ARHGEF17: variants seen among roughly 807,000 people sequenced by gnomAD.
ARHGEF17 encodes 164 kDa Rho-specific guanine-nucleotide exchange factor.
In ARHGEF17, 80 loss-of-function variants were observed where a neutral mutation model predicts 174.0. The observed-to-expected ratio is 0.46, with a 90% CI of 0.38 to 0.55. ARHGEF17 has a LOEUF of 0.55. ARHGEF17 is among the 20% of genes least tolerant of loss of function. The pLI is 0.00. For synonymous variants in ARHGEF17, 1,311 were observed against 1,189.1 expected (o/e 1.10, Z -2.11); for missense variants, 2,886 against 2,839.7 (o/e 1.02, Z -0.37).
At chr11:73,360,664 AG>A in intron 11 of ARHGEF17, 131 bp downstream of exon 11, 3 of 946,174 alleles carry the variant, frequency 3.2e-6, no homozygotes, top group South Asian at 1.6e-5. Context: ...CCTGGTGGGG[AG>A]GGGGGCTTCT....
Position 73,309,054 on chromosome 11 carries a change from G to T in ARHGEF17, c.416G>T (p.Arg139Met). 1 of 1,487,886 alleles carries T rather than the reference G, an allele frequency of 6.7e-7. No homozygotes were observed. Among genetic ancestry groups the T allele is most frequent in the Admixed American group, 2.3e-5 (1 of 43,938 alleles). 92.2% of individuals were successfully genotyped at this position (1,487,886 alleles called of 1,614,324 possible). A position where few individuals can be genotyped will look rare whatever the true frequency, so the allele number is the denominator to read the frequency against. The change falls in exon 1 of 21, where the codon AGG becomes ATG. Residue 139 changes from arginine to methionine, a missense_variant. This residue lies in a region of ARHGEF17 where 1,728 missense variants were observed against 1,461.2 expected (regional missense o/e 1.18). Coordinates refer to ENST00000263674, the MANE Select transcript of ARHGEF17 (RefSeq NM_014786.4). ...AAGCTCTTCGGCGGTCCTGGCTCCA[G>T]GAGGCCCAGCGCCGACTCTGAATCC... ...MRKLFGGPGS[R>M]RPSADSESPG... is the part of the protein sequence containing the mutation.
chr11:73,355,563 T>C lies in ARHGEF17; in HGVS notation c.3484T>C (p.Ser1162Pro). 6.2e-7 allele frequency: 1 copy of C among 1,614,180 alleles called. No individual in the cohort carries two copies. Among genetic ancestry groups the C allele is most frequent in the Non-Finnish European group, 8.5e-7 (1 of 1,179,992 alleles). The change falls in exon 4 of 21, where the codon TCT becomes CCT. Residue 1162 changes from serine (S) to proline (P), a missense_variant. Ser to Pro is a moderately conservative substitution (Grantham distance 74, BLOSUM62 -1). Coordinates refer to ENST00000263674, the MANE Select transcript of ARHGEF17 (RefSeq NM_014786.4). ...CAAGGATGTCCTAGTAAACATCTAT[T>C]CTGCCTATATCGATAACTTCCTCAA... ...FSKDVLVNIY[S>P]AYIDNFLNAK...
chr11:73,332,998 C>T (rs1365287375), intron 1 of ARHGEF17, among the ~76,000 whole-genome samples: 5 of 152,106 alleles, frequency 3.3e-5, no homozygotes, highest in African/African-American at 1.2e-4. Context: ...AGGTCAGTGC[C>T]GGCACTGAGA....
intron 1 of ARHGEF17, among the ~76,000 whole-genome samples, chr11:73,329,346 TA>T (rs1865156559): frequency 2.3e-4 from 9 of 38,880 alleles, no homozygotes; most frequent in African/African-American, 4.2e-4. Flanking sequence ...TATATATATA[TA>T]TATATATATA....
chr11:73,345,034 G>T (rs1223700285), intron 1 of ARHGEF17, among the ~76,000 whole-genome samples: 1 of 152,200 alleles, frequency 6.6e-6, no homozygotes, highest in African/African-American at 2.4e-5. Context: ...TGTCTGTGGG[G>T]TGCTGAGATG....
At chr11:73,352,705 G>A in intron 2 of ARHGEF17, 125 bp from the exon 3 acceptor site, 1 of 994,768 alleles carries the variant, frequency 1.0e-6, no homozygotes, top group Non-Finnish European at 1.5e-6. Flanking sequence ...TGAGGGAGAT[G>A]TGGAAGGCAG....
chr11:73,343,539 C>G (rs1485061668), intron 1 of ARHGEF17, among the ~76,000 whole-genome samples: 5 of 152,162 alleles, frequency 3.3e-5, no homozygotes, highest in African/African-American at 1.2e-4. Flanking sequence ...CAGTGTTATC[C>G]TGGGTCCACA....
chr11:73,359,225 T>C (rs1041137201), intron 9 of ARHGEF17, among the ~76,000 whole-genome samples: 8 of 152,248 alleles, frequency 5.3e-5, no homozygotes, highest in African/African-American at 1.9e-4. Context: ...AGACACTTCT[T>C]TTCCCTTGAT....
chr11:73,319,670 C>T (rs1246295030), intron 1 of ARHGEF17, among the ~76,000 whole-genome samples: 1 of 152,234 alleles, frequency 6.6e-6, no homozygotes, highest in Non-Finnish European at 1.5e-5. Flanking sequence ...CTATTTCTTT[C>T]CATGTTCATT....
intron 2 of ARHGEF17, among the ~76,000 whole-genome samples, chr11:73,347,475 T>TG (rs1260551089): frequency 1.3e-5 from 2 of 152,190 alleles, no homozygotes; most frequent in South Asian, 4.1e-4. Flanking sequence ...CTGCTAAGCG[T>TG]GGGGTCAGGG....
rs142639824 is a variant in ARHGEF17 at position 73,357,297 on chromosome 11, C to T, written c.4057C>T (p.Leu1353=). 7.4e-5 allele frequency: 119 copies of T among 1,613,978 alleles called. No individual in the cohort carries two copies. Among genetic ancestry groups the T allele is most frequent in the South Asian group, 3.1e-4 (28 of 91,048 alleles). Residue 1353 remains leucine (L), a synonymous_variant, in exon 9 of 21, where the codon CTG becomes TTG. Transcript: ENST00000263674. ...TASKYKMLWK[L]PLEDADIIKG... is the part of the protein sequence containing the mutation. ...CAGCAAGTACAAGATGCTGTGGAAGCTGCCGCTGGAAGACGCAGACATCAT... is the reference window on the plus strand; with the variant it reads ...CAGCAAGTACAAGATGCTGTGGAAGTTGCCGCTGGAAGACGCAGACATCAT...
intron 3 of ARHGEF17, among the ~76,000 whole-genome samples, chr11:73,354,257 C>T (rs187113580): frequency 6.6e-6 from 1 of 152,274 alleles, no homozygotes; most frequent in East Asian, 1.9e-4. Context: ...CCTGCCTGGA[C>T]CTTGATGCTG....
At position 73,356,323 on chromosome 11, in the gene ARHGEF17, TAGAG is replaced by T; in HGVS notation, c.3813_3816del (p.Ile1271MetfsTer18). Reference sequence around the variant, plus strand: ...CGCCATGCCCGTGTGCTGCAGGAGATAGAGGCTCACATCGAGGGCATGGAGGATG... The same window carrying T: ...CGCCATGCCCGTGTGCTGCAGGAGATGCTCACATCGAGGGCATGGAGGATG... On this transcript the variant is annotated frameshift_variant, in exon 6 of 21. Coordinates refer to ENST00000263674, the MANE Select transcript of ARHGEF17 (RefSeq NM_014786.4). LOFTEE classifies it high-confidence loss of function. 6.2e-7 allele frequency: 1 copy of T among 1,612,536 alleles called. No individual in the cohort carries two copies. Among genetic ancestry groups the T allele is most frequent in the Non-Finnish European group, 8.5e-7 (1 of 1,180,008 alleles).
intron 1 of ARHGEF17, among the ~76,000 whole-genome samples, chr11:73,330,269 T>C (rs774852915): frequency 9.2e-5 from 14 of 152,262 alleles, no homozygotes; most frequent in East Asian, 1.9e-4. Flanking sequence ...TTTGTTGTTA[T>C]GTGTTCTACT....
At position 73,309,621 on chromosome 11, in the gene ARHGEF17, A is replaced by T; in HGVS notation, c.983A>T (p.Glu328Val). ...TCAGCAGGGGTTTCTGGGAGCCCTG[A>T]GCCCCCAACATCTCCAAGAGCCCCT... ...MNSAGVSGSPEPPTSPRAPRE... is the reference protein window; with the variant it reads ...MNSAGVSGSPVPPTSPRAPRE... Residue 328 changes from glutamate (E) to valine (V), a missense_variant, in exon 1 of 21, where the codon GAG becomes GTG. Glu to Val is a moderately radical substitution (Grantham distance 121, BLOSUM62 -2). Coordinates refer to ENST00000263674, the MANE Select transcript of ARHGEF17 (RefSeq NM_014786.4). 4.3e-6 allele frequency: 7 copies of T among 1,613,050 alleles called. No homozygotes were observed. The highest frequency in any genetic ancestry group is 5.9e-6 in the Non-Finnish European group (7 of 1,180,002).
At chr11:73,364,820 C>T (rs539414539) in intron 18 of ARHGEF17, 9 of 558,204 alleles carry the variant, frequency 1.6e-5, no homozygotes, top group East Asian at 3.3e-5. Flanking sequence ...CATTAGGAAT[C>T]TTATTCATCC....
At chr11:73,356,965 C>A (rs1865652775) in intron 7 of ARHGEF17, 60 bp from the exon 8 acceptor site, 1 of 1,570,154 alleles carries the variant, frequency 6.4e-7, no homozygotes, top group Admixed American at 1.7e-5. Flanking sequence ...GCACTATGGG[C>A]AGGGGGGTGG....
At position 73,356,210 on chromosome 11, in the gene ARHGEF17, C is replaced by G. The variant is rs745328349; in HGVS notation, c.3699C>G (p.Asp1233Glu). Reference protein sequence around the residue: ...LLKHTPEDHPDHPLLLEAQRN... With the variant: ...LLKHTPEDHPEHPLLLEAQRN... ...AGCATACACCTGAGGACCACCCGGA[C>G]CATCCACTCCTGCTGGAGGCGCAGC... Residue 1233 changes from aspartate (D) to glutamate (E), a missense_variant, in exon 6 of 21, where the codon GAC (aspartate) becomes GAG (glutamate). Physicochemically the swap from Asp to Glu is conservative, Grantham distance 45. This residue lies in a region of ARHGEF17 where 353 missense variants were observed against 470.3 expected (regional missense o/e 0.75). Transcript: ENST00000263674. 1 of 1,613,994 alleles carries G rather than the reference C, an allele frequency of 6.2e-7. No individual in the cohort carries two copies. Among genetic ancestry groups the G allele is most frequent in the Non-Finnish European group, 8.5e-7 (1 of 1,180,030 alleles).
Position 73,368,665 on chromosome 11 carries a change from C to A in ARHGEF17, c.*885C>A. 6.5e-6 allele frequency: 1 copy of A among 152,692 alleles called. No homozygotes were observed. Among genetic ancestry groups the A allele is most frequent in the Non-Finnish European group, 1.5e-5 (1 of 68,074 alleles). The allele number at this position is 152,692 out of a possible 1,614,324, so 9.5% of individuals were successfully genotyped here. ...GCCCCCAGTCCTTGGCCCTGCTTCCCTGTGTCTCATGCACTGGCACATATG... is the reference window on the plus strand; with the variant it reads ...GCCCCCAGTCCTTGGCCCTGCTTCCATGTGTCTCATGCACTGGCACATATG... On this transcript the variant is annotated 3_prime_UTR_variant, in exon 21 of 21. Coordinates refer to ENST00000263674, the MANE Select transcript of ARHGEF17 (RefSeq NM_014786.4).
Sources: allele counts gnomAD v4.1 joint callset (sites outside exome capture counted in the v4.1 genomes callset), GRCh38; gene constraint gnomAD v4.1.1; regional missense constraint gnomAD v4.1.1; transcripts MANE v1.5; gene names NCBI Gene and HGNC (gene_info 2026-07-23, HGNC 2026-07-21).